CDC42BPA: variants seen among roughly 807,000 people sequenced by gnomAD.
CDC42BPA encodes the protein serine/threonine-protein kinase MRCK alpha.
Under a neutral mutation model 223.5 loss-of-function variants are expected in CDC42BPA, and 80 were observed. The ratio of observed to expected loss-of-function variants is 0.36; its 90% CI spans 0.30 to 0.43. The LOEUF (loss-of-function observed/expected upper bound fraction) is 0.43, where lower values mean the gene tolerates loss of function less well. Among genes scored for constraint, CDC42BPA ranks in the 20% least tolerant of loss-of-function variants. The pLI is 1.00. For synonymous variants in CDC42BPA, 694 were observed against 718.6 expected (o/e 0.97, Z 0.55); for missense variants, 1,743 against 2,099.9 (o/e 0.83, Z 3.32).
chr1:227,303,968 C>T (rs980495451), intron 1 of CDC42BPA, among the ~76,000 whole-genome samples: 3 of 152,114 alleles, frequency 2.0e-5, no homozygotes, highest in Non-Finnish European at 4.4e-5. Context: ...GAACTTTTAC[C>T]TTGAAAAATT....
intron 2 of CDC42BPA, among the ~76,000 whole-genome samples, chr1:227,237,550 G>A (rs910807923): frequency 2.6e-5 from 4 of 152,058 alleles, no homozygotes. Context: ...GCAGCTACAC[G>A]GTATTCTATT....
At chr1:227,214,444 G>C (rs1170709918) in intron 2 of CDC42BPA, among the ~76,000 whole-genome samples, 1 of 152,106 alleles carries the variant, frequency 6.6e-6, no homozygotes, top group Non-Finnish European at 1.5e-5. Flanking sequence ...CAATTAAATT[G>C]TTCTCCCAAT....
chr1:227,216,131 T>C (rs12747742), intron 2 of CDC42BPA, among the ~76,000 whole-genome samples: 2 of 144,236 alleles, frequency 1.4e-5, no homozygotes, highest in Non-Finnish European at 3.1e-5. Context: ...TATATATATA[T>C]ATACACACAC....
At chr1:227,086,965 G>A (rs563191764) in intron 16 of CDC42BPA, among the ~76,000 whole-genome samples, 8 of 152,142 alleles carry the variant, frequency 5.3e-5, no homozygotes, top group Admixed American at 2.6e-4. Flanking sequence ...GAACCACCAC[G>A]TCCACCTTAA....
rs897946166 is a variant in CDC42BPA, at chr1:227,159,862, G to A, written c.693+681C>T. Reference sequence around the variant, plus strand: ...GGTGGCTCTGGGGGAGTGAGGGGGTGGGAGACAGGACTTCACTGTTGCCCA... The same window carrying A: ...GGTGGCTCTGGGGGAGTGAGGGGGTAGGAGACAGGACTTCACTGTTGCCCA... On this transcript the variant is annotated intron_variant, in intron 6 of 36. Transcript: ENST00000366766. 1.4e-4 allele frequency among the ~76,000 whole-genome samples: 21 copies of A among 151,942 alleles called. No homozygotes were observed. The East Asian group carries it at 3.9e-3, about 28-fold the overall frequency.
chr1:227,295,480 T>G (rs1690505240), intron 1 of CDC42BPA, among the ~76,000 whole-genome samples: 1 of 151,698 alleles, frequency 6.6e-6, no homozygotes, highest in Non-Finnish European at 1.5e-5. Context: ...AAAATTTAAA[T>G]TAAGTATAGT....
intron 35 of CDC42BPA, chr1:227,004,086 T>C (rs1663507254): frequency 6.6e-6 from 1 of 151,244 alleles, no homozygotes; most frequent in Admixed American, 6.6e-5. Context: ...CTCGGGACCT[T>C]TGGACATGCG....
At chr1:227,256,948 GACACACACACACACACACACACACAC>G (rs55961981) in intron 1 of CDC42BPA, among the ~76,000 whole-genome samples, 4 of 141,006 alleles carry the variant, frequency 2.8e-5, no homozygotes, top group African/African-American at 8.0e-5. Context: ...TATATATACA[GACACACACACACACACACACACACAC>G]ACACACACAC....
At chr1:227,034,176 C>T (rs1393067534) in intron 26 of CDC42BPA, among the ~76,000 whole-genome samples, 1 of 152,090 alleles carries the variant, frequency 6.6e-6, no homozygotes, top group African/African-American at 2.4e-5. Context: ...AGGATAGTGC[C>T]TGGAGTTAGG....
At chr1:227,100,831 T>C (rs886848911) in intron 15 of CDC42BPA, among the ~76,000 whole-genome samples, 161 bp downstream of exon 15, 16 of 151,586 alleles carry the variant, frequency 1.1e-4, no homozygotes, top group African/African-American at 3.9e-4. Context: ...TATCATCCCA[T>C]TTGCTTTTCT....
In CDC42BPA at chr1:227,317,516, A is replaced by T. The variant is rs2148868929; in HGVS notation, c.-334T>A. 6.7e-6 allele frequency: 2 copies of T among 297,430 alleles called. No homozygotes were observed. Among genetic ancestry groups the T allele is most frequent in the East Asian group, 1.2e-4 (2 of 16,160 alleles). 18.4% of individuals were successfully genotyped at this position (297,430 alleles called of 1,614,324 possible). On this transcript the variant is annotated 5_prime_UTR_variant, in exon 1 of 37. Coordinates refer to ENST00000366766, the MANE Select transcript of CDC42BPA (RefSeq NM_001394014.1). ...CTAGAGAGTCAACACTTCTTTAAAA[A>T]AAAAAAAAAAAACTCTTCTCCTTCA...
intron 34 of CDC42BPA, among the ~76,000 whole-genome samples, chr1:227,008,367 A>G (rs1664505867): frequency 6.6e-6 from 1 of 152,244 alleles, no homozygotes; most frequent in Non-Finnish European, 1.5e-5. Context: ...CTTCTTTGCT[A>G]TAATATGGTA....
intron 1 of CDC42BPA, among the ~76,000 whole-genome samples, chr1:227,267,030 A>G (rs1472957826): frequency 6.6e-6 from 1 of 152,202 alleles, no homozygotes; most frequent in East Asian, 1.9e-4. Flanking sequence ...GGGAAGGCAT[A>G]AAGAAGTAAA....
chr1:227,037,532 T>C (rs1313227602), intron 24 of CDC42BPA, among the ~76,000 whole-genome samples: 3 of 152,228 alleles, frequency 2.0e-5, no homozygotes, highest in African/African-American at 7.2e-5. Context: ...ATGCACTGCC[T>C]TAAGATGTTA....
At chr1:227,167,152 A>G (rs1665185031) in intron 5 of CDC42BPA, among the ~76,000 whole-genome samples, 1 of 152,252 alleles carries the variant, frequency 6.6e-6, no homozygotes, top group Admixed American at 6.5e-5. Context: ...TTTGCATTCC[A>G]TATTTGGTAA....
At chr1:227,198,904 C>T (rs2313436) in intron 4 of CDC42BPA, among the ~76,000 whole-genome samples, 104,440 of 151,872 alleles carry the variant, frequency 0.69, 36,102 homozygotes, top group South Asian at 0.73. Flanking sequence ...CCCACCACCA[C>T]GCCCGGCTAA....
chr1:227,148,085 T>C (rs547134417), intron 6 of CDC42BPA, among the ~76,000 whole-genome samples: 3 of 152,280 alleles, frequency 2.0e-5, no homozygotes, highest in Admixed American at 1.3e-4. Flanking sequence ...AGAAGAGGTA[T>C]ATCCTTCAAA....
At chr1:227,250,606 A>G (rs948685102) in intron 2 of CDC42BPA, among the ~76,000 whole-genome samples, 1 of 152,052 alleles carries the variant, frequency 6.6e-6, no homozygotes, top group African/African-American at 2.4e-5. Context: ...ATATGTGTGT[A>G]TATTTTTTGA....
chr1:227,313,524 T>C (rs1264473156), intron 1 of CDC42BPA, among the ~76,000 whole-genome samples: 3 of 152,180 alleles, frequency 2.0e-5, no homozygotes, highest in African/African-American at 7.2e-5. Context: ...ATTAGGTGGC[T>C]AGTATAAAGG....
Sources: allele counts gnomAD v4.1 joint callset (sites outside exome capture counted in the v4.1 genomes callset), GRCh38; gene constraint gnomAD v4.1.1; transcripts MANE v1.5; gene names NCBI Gene and HGNC (gene_info 2026-07-23, HGNC 2026-07-21).